The following EGR2 variants were observed in gnomAD, a reference collection of about 807,000 sequenced individuals.
EGR2 encodes early growth response 2.
A neutral mutation model predicts 21.2 loss-of-function variants in EGR2; 2 were observed. The ratio of observed to expected loss-of-function variants is 0.09; its 90% CI spans 0.04 to 0.30. EGR2 has a LOEUF of 0.30. Ranked by LOEUF, EGR2 falls within the 10% of genes least tolerant of loss-of-function variation. The pLI is 1.00. For synonymous variants in EGR2, 282 were observed against 258.2 expected (o/e 1.09, Z -0.88); for missense variants, 458 against 630.2 (o/e 0.73, Z 2.93).
upstream of EGR2, among the ~76,000 whole-genome samples, chr10:62,818,192 C>T (rs367932612): frequency 6.6e-6 from 1 of 151,890 alleles, no homozygotes; most frequent in Non-Finnish European, 1.5e-5. Flanking sequence ...TGCAGCCGTG[C>T]GCCAGCTCTC....
chr10:62,817,300 T>TAC (rs766650759), upstream of EGR2, among the ~76,000 whole-genome samples: 2 of 151,882 alleles, frequency 1.3e-5, no homozygotes, highest in Admixed American at 6.6e-5. This position sits in a 1 kb window ranked among gnomAD's most constrained non-coding sequence, Gnocchi z 4.4. Flanking sequence ...CAGACACACA[T>TAC]ACACACACAC....
Position 62,814,268 on chromosome 10 carries a change from C to T in EGR2, c.370G>A (p.Val124Ile), listed in dbSNP as rs757323624. Residue 124 changes from valine to isoleucine, a missense_variant, in exon 2 of 2, where the codon GTC (valine) becomes ATC (isoleucine). By Grantham distance (29) the Val-to-Ile change is conservative. Coordinates refer to ENST00000242480, the MANE Select transcript of EGR2 (RefSeq NM_000399.5). This position sits in a 1 kb window ranked among gnomAD's most constrained non-coding sequence, Gnocchi z 4.8. ...GCTGTGGTTGAAGCTGGGGAAGTGA[C>T]CCCTTGCAAGATGCCTGCACTCACA... ...NIVSAGILQG[V>I]TSPASTTASS... 6.2e-7 allele frequency: 1 copy of T among 1,613,974 alleles called. No homozygotes were observed. The highest frequency in any genetic ancestry group is 1.3e-5 in the African/African-American group (1 of 74,866).
At chr10:62,818,619 G>A, upstream of EGR2, 1 of 1,273,512 alleles carries the variant, frequency 7.9e-7, no homozygotes, top group Non-Finnish European at 1.0e-6. Context: ...ACGACGCCTC[G>A]GAAGGGAGTC....
In EGR2 at chr10:62,816,310, TA is replaced by T. The variant is rs1246158011; in HGVS notation, c.-282del. The stretch of plus-strand genomic sequence containing the variant: ...CCAGGAGTTGCTGGTGTAGTGTTAT[TA>T]TAACAGTCAGTGAGTCCCCTCGCCG... On this transcript the variant is annotated 5_prime_UTR_variant, in exon 1 of 2. Transcript: ENST00000242480. 1.5e-6 allele frequency: 2 copies of T among 1,314,008 alleles called. No individual in the cohort carries two copies. Among genetic ancestry groups the T allele is most frequent in the African/African-American group, 1.5e-5 (1 of 66,752 alleles). The allele number at this position is 1,314,008 out of a possible 1,614,324, so 81.4% of individuals were successfully genotyped here.
rs746222548 is a variant in EGR2, at chr10:62,813,764, G to A, written c.874C>T (p.Pro292Ser). ...GCTGAGCTGCTACCAGGCAGCCGGG[G>A]TCCCTCGCTGCCTCCACTGGCCCCT... ...GPGASGGSEG[P>S]RLPGSSSAAA... The change falls in exon 2 of 2, where the codon CCC (proline) becomes TCC (serine). Residue 292 changes from proline (P) to serine (S), a missense_variant. Around this residue, in one of 5 missense-constraint regions of EGR2, gnomAD observed 253 missense variants for 315.5 expected, o/e 0.80. Transcript: ENST00000242480. This position sits in a 1 kb window ranked among gnomAD's most constrained non-coding sequence, Gnocchi z 5.7. 1 of 1,612,290 alleles carries A rather than the reference G, an allele frequency of 6.2e-7. No homozygotes were observed. The highest frequency in any genetic ancestry group is 1.3e-5 in the African/African-American group (1 of 74,922).
Position 62,815,841 on chromosome 10 carries a change from T to G in EGR2, c.169+20A>C. ...CCTCCGGGCCGCGCAGGTCCGGGCC[T>G]GCGAAGACACGCGGCTTACCTCCGG... On this transcript the variant is annotated intron_variant, in intron 1 of 1. Transcript: ENST00000242480. 6.2e-7 allele frequency: 1 copy of G among 1,613,682 alleles called. No homozygotes were observed. The highest frequency in any genetic ancestry group is 2.2e-5 in the East Asian group (1 of 44,872).
chr10:62,818,611 G>T, upstream of EGR2: 1 of 1,276,138 alleles, frequency 7.8e-7, no homozygotes. Flanking sequence ...TGGGCAAGAC[G>T]ACGCCTCGGA....
chr10:62,813,301 C>T lies in EGR2; in HGVS notation c.1337G>A (p.Gly446Asp), dbSNP rs748373844. Residue 446 changes from glycine (G) to aspartate (D), a missense_variant, in exon 2 of 2, where the codon GGC becomes GAC. Gly to Asp is a moderately conservative substitution (Grantham distance 94, BLOSUM62 -1). Around this residue, in one of 5 missense-constraint regions of EGR2, gnomAD observed 69 missense variants for 70.4 expected, o/e 0.98. Transcript: ENST00000242480. This position sits in a 1 kb window ranked among gnomAD's most constrained non-coding sequence, Gnocchi z 5.7. ...PAPSTASCSG[G>D]VQPGGTLCSS... Reference sequence around the variant, plus strand: ...GCACAGGGTACCCCCAGGCTGCACGCCCCCAGAGCAGGAGGCTGTAGAGGG... The same window carrying T: ...GCACAGGGTACCCCCAGGCTGCACGTCCCCAGAGCAGGAGGCTGTAGAGGG... 7.0e-6 allele frequency: 11 copies of T among 1,576,274 alleles called. No individual in the cohort carries two copies. Among genetic ancestry groups the T allele is most frequent in the South Asian group, 1.2e-5 (1 of 84,138 alleles).
intron 1 of EGR2, 32 bp downstream of exon 1, chr10:62,815,829 C>A (rs1178476142): frequency 1.2e-6 from 2 of 1,613,094 alleles, no homozygotes; most frequent in Non-Finnish European, 1.7e-6. Context: ...CCGGGCCGCG[C>A]AGGTCCGGGC....
Position 62,814,111 on chromosome 10 carries a change from C to A in EGR2, c.527G>T (p.Gly176Val). 6.2e-7 allele frequency: 1 copy of A among 1,613,784 alleles called. No individual in the cohort carries two copies. The highest frequency in any genetic ancestry group is 8.5e-7 in the Non-Finnish European group (1 of 1,179,814). Reference protein sequence around the residue: ...SPPPPPPPYSGCAGDLYQDPS... With the variant: ...SPPPPPPPYSVCAGDLYQDPS... ...GTCCTGGTAGAGGTCTCCTGCACAG[C>A]CAGAATAAGGAGGAGGAGGCGGTGG... Residue 176 changes from glycine (G) to valine (V), a missense_variant, in exon 2 of 2, where the codon GGC becomes GTC. By Grantham distance (109) the Gly-to-Val change is moderately radical. This residue lies in a region of EGR2 where 253 missense variants were observed against 315.5 expected (regional missense o/e 0.80). Transcript: ENST00000242480. The surrounding 1 kb of genome is among the most constrained non-coding windows in gnomAD (Gnocchi z 4.8).
Sources: gnomAD v4.1 joint callset for allele counts (sites outside exome capture counted in the v4.1 genomes callset) on GRCh38, gnomAD v4.1.1 for gene constraint, gnomAD v4.1.1 regional missense constraint, Gnocchi (gnomAD v3.1) non-coding constraint, MANE v1.5 for transcripts, NCBI Gene and HGNC (gene_info 2026-07-23, HGNC 2026-07-21) for gene names.